Variants in CACNA1C observed in about 807,000 individuals in gnomAD.
CACNA1C encodes calcium voltage-gated channel subunit alpha1 C.
In CACNA1C, 30 loss-of-function variants were observed where a neutral mutation model predicts 229.0. The observed-to-expected ratio is 0.13, with a 90% CI of 0.10 to 0.18. The LOEUF (loss-of-function observed/expected upper bound fraction) is 0.18. Ranked by LOEUF, CACNA1C falls within the 10% of genes least tolerant of loss-of-function variation. The probability of loss-of-function intolerance (pLI) is 1.00; values close to 1 mark genes in which losing one functional copy is unlikely to be tolerated. For missense variants in CACNA1C, 1,658 were observed against 2,845.0 expected (o/e 0.58, Z 9.49); for synonymous variants, 1,114 against 1,132.5 (o/e 0.98, Z 0.33).
intron 3 of CACNA1C, among the ~76,000 whole-genome samples, chr12:2,144,683 C>A (rs767193990): frequency 3.3e-5 from 5 of 151,436 alleles, no homozygotes; most frequent in Middle Eastern, 3.4e-3. Context: ...AACTAATGAT[C>A]ACTGTATTTC....
intron 10 of CACNA1C, among the ~76,000 whole-genome samples, chr12:2,553,899 A>G (rs909183954): frequency 6.6e-6 from 1 of 152,240 alleles, no homozygotes; most frequent in African/African-American, 2.4e-5. Flanking sequence ...ATGCCGTGCA[A>G]GGGCAGGATG....
rs549116285 is a variant in CACNA1C at position 2,215,600 on chromosome 12, G to A, written c.477+95170G>A. Among the ~76,000 whole-genome samples, 3 of 152,320 alleles carry A rather than the reference G, an allele frequency of 2.0e-5. No homozygotes were observed. The South Asian group carries it at 6.2e-4, about 32-fold the overall frequency. ...TCAGCATTGCACATGGACATAAAGGGGCACTGCAGCCAGTCCCCTGTGGAG... is the reference window on the plus strand; with the variant it reads ...TCAGCATTGCACATGGACATAAAGGAGCACTGCAGCCAGTCCCCTGTGGAG... On this transcript the variant is annotated intron_variant, in intron 3 of 46. Coordinates refer to ENST00000399655, the MANE Select transcript of CACNA1C (RefSeq NM_000719.7). This position sits in a 1 kb window ranked among gnomAD's most constrained non-coding sequence, Gnocchi z 5.0.
At chr12:2,231,981 C>G (rs2065309526) in intron 3 of CACNA1C, among the ~76,000 whole-genome samples, 3 of 151,992 alleles carry the variant, frequency 2.0e-5, no homozygotes, top group Non-Finnish European at 4.4e-5. Flanking sequence ...GTGTAGAGTT[C>G]CCATAAACCC....
intron 3 of CACNA1C, among the ~76,000 whole-genome samples, chr12:2,256,653 G>T (rs555001888): frequency 2.0e-5 from 3 of 152,222 alleles, no homozygotes; most frequent in East Asian, 1.9e-4. Context: ...GCGTTTCCAG[G>T]GGTAGAGAAA....
intron 3 of CACNA1C, among the ~76,000 whole-genome samples, chr12:2,208,881 A>C (rs1379837401): frequency 6.6e-6 from 1 of 152,192 alleles, no homozygotes; most frequent in Admixed American, 6.5e-5. Context: ...AGTACCCTAC[A>C]TTGAAATAAT....
intron 3 of CACNA1C, among the ~76,000 whole-genome samples, chr12:2,416,746 T>G (rs1056402530): frequency 6.6e-6 from 1 of 152,216 alleles, no homozygotes; most frequent in Non-Finnish European, 1.5e-5. Context: ...TACTTGACAC[T>G]GACTGTGGAA....
At chr12:2,554,211 T>C (rs1432624553) in intron 10 of CACNA1C, among the ~76,000 whole-genome samples, 3 of 152,176 alleles carry the variant, frequency 2.0e-5, no homozygotes, top group Non-Finnish European at 4.4e-5. Flanking sequence ...GGGGTTTGTC[T>C]CTAATTCTGA....
At chr12:1,993,608 T>C (rs1216130963) in intron 1 of CACNA1C, among the ~76,000 whole-genome samples, 2 of 148,948 alleles carry the variant, frequency 1.3e-5, no homozygotes. Context: ...TTGGTAAAAT[T>C]GAGTCATACT....
chr12:2,379,280 T>C (rs1475491249), intron 3 of CACNA1C, among the ~76,000 whole-genome samples: 4 of 152,236 alleles, frequency 2.6e-5, no homozygotes, highest in Admixed American at 2.0e-4. Flanking sequence ...AATTTGTCCA[T>C]GTAACGGTGA....
At chr12:2,050,427 G>T (rs2108636), upstream of CACNA1C, among the ~76,000 whole-genome samples, 45,080 of 151,914 alleles carry the variant, frequency 0.3, 7,203 homozygotes, top group East Asian at 0.55. Context: ...GGCTGTAAAG[G>T]GCCTATCACA....
At chr12:2,105,015 T>C (rs2077666888) in intron 1 of CACNA1C, among the ~76,000 whole-genome samples, 1 of 152,194 alleles carries the variant, frequency 6.6e-6, no homozygotes, top group Non-Finnish European at 1.5e-5. Context: ...TATATCAGGG[T>C]CCTCTCACCG....
At chr12:2,064,896 C>T (rs1253761425) in intron 1 of CACNA1C, among the ~76,000 whole-genome samples, 2 of 152,200 alleles carry the variant, frequency 1.3e-5, no homozygotes, top group African/African-American at 4.8e-5. Flanking sequence ...GATGCCTCAG[C>T]TGAACCCATT....
chr12:2,370,908 A>G (rs558873647), intron 3 of CACNA1C, among the ~76,000 whole-genome samples: 1 of 152,288 alleles, frequency 6.6e-6, no homozygotes, highest in African/African-American at 2.4e-5. Flanking sequence ...TGCTCTGTAC[A>G]GTCAGGCTCG....
At chr12:2,187,087 G>A (rs1598455843) in intron 3 of CACNA1C, among the ~76,000 whole-genome samples, 1 of 152,138 alleles carries the variant, frequency 6.6e-6, no homozygotes, top group Admixed American at 6.6e-5. Context: ...CAGACTCATG[G>A]TAAAACGTTA....
intron 8 of CACNA1C, among the ~76,000 whole-genome samples, chr12:2,511,492 C>G (rs190773669): frequency 6.6e-6 from 1 of 152,180 alleles, no homozygotes; most frequent in Admixed American, 6.5e-5. Context: ...CCAGCAGCCT[C>G]GTGCCCTGAA....
At chr12:2,516,285 G>C (rs1418600366) in intron 9 of CACNA1C, among the ~76,000 whole-genome samples, 1 of 152,162 alleles carries the variant, frequency 6.6e-6, no homozygotes, top group South Asian at 2.1e-4. Context: ...AGAGGAGGGA[G>C]TAAGGGGGTG....
chr12:2,418,243 T>C (rs1394808125), intron 3 of CACNA1C, among the ~76,000 whole-genome samples: 1 of 152,084 alleles, frequency 6.6e-6, no homozygotes, highest in Non-Finnish European at 1.5e-5. Flanking sequence ...CCCACAGTGC[T>C]CCCCACCTCC....
At chr12:2,429,280 C>G (rs561936985) in intron 3 of CACNA1C, among the ~76,000 whole-genome samples, 88 of 152,224 alleles carry the variant, frequency 5.8e-4, no homozygotes, top group Non-Finnish European at 1.2e-3. Context: ...AGGTCACATC[C>G]TGAGGTCTGG....
In CACNA1C at chr12:2,053,458, A is replaced by G; in HGVS notation, c.-105A>G. The G allele has an allele frequency of 6.7e-7, 1 of 1,482,154 alleles. No homozygotes were observed. Among genetic ancestry groups the G allele is most frequent in the East Asian group, 2.7e-5 (1 of 37,410 alleles). The allele number at this position is 1,482,154 out of a possible 1,614,324, so 91.8% of individuals were successfully genotyped here. A position where few individuals can be genotyped will look rare whatever the true frequency, so the allele number is the denominator to read the frequency against. On this transcript the variant is annotated 5_prime_UTR_variant, in exon 1 of 47. Transcript: ENST00000399655. This position sits in a 1 kb window ranked among gnomAD's most constrained non-coding sequence, Gnocchi z 5.8. Reference sequence around the variant, plus strand: ...CCACGGCTTCCTCGAATCTTGCGCGAAAGCCGCCGGCCTCGGAGGAGGGAT... The same window carrying G: ...CCACGGCTTCCTCGAATCTTGCGCGGAAGCCGCCGGCCTCGGAGGAGGGAT...
Sources: gnomAD v4.1 joint callset for allele counts (sites outside exome capture counted in the v4.1 genomes callset) on GRCh38, gnomAD v4.1.1 for gene constraint, Gnocchi (gnomAD v3.1) non-coding constraint, MANE v1.5 for transcripts, NCBI Gene and HGNC (gene_info 2026-07-23, HGNC 2026-07-21) for gene names.